Variants in ARHGAP25 observed in about 807,000 individuals in gnomAD.
The protein encoded by ARHGAP25 is Rho GTPase activating protein 25.
ARHGAP25 carries 34 observed loss-of-function variants against 71.0 expected under a neutral mutation model. The ratio of observed to expected loss-of-function variants is 0.48; its 90% CI spans 0.36 to 0.64. The LOEUF (loss-of-function observed/expected upper bound fraction) is 0.64. Ranked by LOEUF, ARHGAP25 falls within the 30% of genes least tolerant of loss-of-function variation. The pLI is 0.00. For missense variants in ARHGAP25, 706 were observed against 805.1 expected (o/e 0.88, Z 1.49); for synonymous variants, 282 against 296.5 (o/e 0.95, Z 0.50).
At chr2:68,809,277 C>T (rs986746614) in intron 5 of ARHGAP25, among the ~76,000 whole-genome samples, 2 of 152,066 alleles carry the variant, frequency 1.3e-5, no homozygotes, top group Non-Finnish European at 2.9e-5. Context: ...AGGGCTGTGC[C>T]CCGCAATGGG....
At chr2:68,782,081 A>C in intron 2 of ARHGAP25, 152 bp from the exon 3 acceptor site, 10 of 616,666 alleles carry the variant, frequency 1.6e-5, no homozygotes, top group Non-Finnish European at 2.3e-5. Context: ...GAGTAGCAGA[A>C]GGGGCCCCAT....
In ARHGAP25 at chr2:68,751,017, G is replaced by A. The variant is rs369273975; in HGVS notation, c.61+15757G>A. On this transcript the variant is annotated intron_variant, in intron 1 of 10. Coordinates refer to ENST00000409202, the MANE Select transcript of ARHGAP25 (RefSeq NM_001007231.3). ...AGTCCAGCTGACATTTATTTCACCC[G>A]CTTTAAGCACGAATTACCTGTGGAG... Among the ~76,000 whole-genome samples the A allele has an allele frequency of 3.3e-5, 5 of 152,296 alleles. No homozygotes were observed. The South Asian group carries it at 8.3e-4, about 25-fold the overall frequency.
intron 3 of ARHGAP25, among the ~76,000 whole-genome samples, chr2:68,783,040 C>T (rs766337191): frequency 7.2e-5 from 11 of 152,186 alleles, no homozygotes; most frequent in Non-Finnish European, 1.5e-4. Flanking sequence ...GCCACATGGC[C>T]CCTGAGTGCC....
rs1676077697 is a variant in ARHGAP25 at position 68,750,240 on chromosome 2, G to C, written c.61+14980G>C. Among the ~76,000 whole-genome samples, 3 of 151,064 alleles carry C rather than the reference G, an allele frequency of 2.0e-5. No homozygotes were observed. The South Asian group carries it at 6.3e-4, about 32-fold the overall frequency. Reference sequence around the variant, plus strand: ...TTGCCCAGCTGGTCTTGGACTCCTGGCCCCAAGTGATTCTCCCACCTTGGC... The same window carrying C: ...TTGCCCAGCTGGTCTTGGACTCCTGCCCCCAAGTGATTCTCCCACCTTGGC... On this transcript the variant is annotated intron_variant, in intron 1 of 10. Transcript: ENST00000409202.
intron 1 of ARHGAP25, among the ~76,000 whole-genome samples, chr2:68,765,696 G>A (rs1013504765): frequency 6.6e-6 from 1 of 152,106 alleles, no homozygotes; most frequent in African/African-American, 2.4e-5. Context: ...TAATTCATTG[G>A]TATCATCTAT....
intron 3 of ARHGAP25, among the ~76,000 whole-genome samples, chr2:68,787,043 T>C (rs536567232): frequency 6.6e-6 from 1 of 152,358 alleles, no homozygotes; most frequent in East Asian, 1.9e-4. Context: ...ACTAACTAAC[T>C]GCATGGTCCA....
chr2:68,724,945 C>G (rs61001218), intron 2 of ARHGAP25, among the ~76,000 whole-genome samples: 1,738 of 152,282 alleles, frequency 0.011, 35 homozygotes, highest in African/African-American at 0.04. Flanking sequence ...ACCAGCAGAG[C>G]CTTTGCTGGT....
At position 68,741,178 on chromosome 2, in the gene ARHGAP25, G is replaced by T. The variant is rs112838416; in HGVS notation, c.61+5918G>T. ...CTACCCTCGCAGAATAGGGCTCACT[G>T]AGTTGTCTTTTAATGTTATATCTTC... On this transcript the variant is annotated intron_variant, in intron 1 of 10. Coordinates refer to ENST00000409202, the MANE Select transcript of ARHGAP25 (RefSeq NM_001007231.3). 3.9e-3 allele frequency among the ~76,000 whole-genome samples: 594 copies of T among 152,316 alleles called. 9 individuals are homozygous for T. The highest frequency in any genetic ancestry group is 0.014 in the African/African-American group (566 of 41,548).
At chr2:68,754,004 G>A (rs1176318630) in intron 1 of ARHGAP25, among the ~76,000 whole-genome samples, 16 of 150,932 alleles carry the variant, frequency 1.1e-4, no homozygotes, top group Admixed American at 4.6e-4. Context: ...CCAGGTTCAC[G>A]CCATTCTCCT....
intron 3 of ARHGAP25, among the ~76,000 whole-genome samples, chr2:68,784,906 A>G (rs113688946): frequency 0.036 from 5,481 of 152,304 alleles, 139 homozygotes; most frequent in Admixed American, 0.071. Flanking sequence ...TGGTTGATTG[A>G]TTATTGTGAA....
At chr2:68,771,725 G>A (rs1677501936) in intron 1 of ARHGAP25, among the ~76,000 whole-genome samples, 1 of 152,226 alleles carries the variant, frequency 6.6e-6, no homozygotes, top group Non-Finnish European at 1.5e-5. Context: ...CCTAATTCCA[G>A]CAGTGTGGAA....
chr2:68,788,468 G>T (rs1007859768), intron 4 of ARHGAP25, among the ~76,000 whole-genome samples: 4 of 152,182 alleles, frequency 2.6e-5, no homozygotes, highest in African/African-American at 7.2e-5. Context: ...ACTGGGGAAG[G>T]TTCAGGAATT....
intron 6 of ARHGAP25, among the ~76,000 whole-genome samples, chr2:68,815,802 C>A (rs9989891): frequency 0.33 from 50,503 of 151,616 alleles, 8,534 homozygotes; most frequent in East Asian, 0.43. Flanking sequence ...GACCTTGCAC[C>A]GTCCTCCAGC....
At chr2:68,735,454 T>C in intron 1 of ARHGAP25, 194 bp downstream of exon 1, 1 of 625,868 alleles carries the variant, frequency 1.6e-6, no homozygotes, top group South Asian at 1.9e-5. Flanking sequence ...CTCTTTCATT[T>C]GGACAAAACA....
intron 1 of ARHGAP25, among the ~76,000 whole-genome samples, chr2:68,735,930 T>C (rs746373057): frequency 4.6e-5 from 7 of 152,218 alleles, no homozygotes; most frequent in Non-Finnish European, 7.3e-5. Context: ...ATGATGATAG[T>C]GATACATTAA....
intron 4 of ARHGAP25, among the ~76,000 whole-genome samples, chr2:68,799,077 G>A (rs1215635530): frequency 6.6e-6 from 1 of 152,222 alleles, no homozygotes; most frequent in Non-Finnish European, 1.5e-5. Flanking sequence ...AGGACAGATG[G>A]TGGGTTGGAC....
At chr2:68,733,142 C>T (rs1274707180), upstream of ARHGAP25, among the ~76,000 whole-genome samples, 5 of 152,122 alleles carry the variant, frequency 3.3e-5, no homozygotes, top group African/African-American at 4.8e-5. Flanking sequence ...AAAACAGACA[C>T]GGAAAAGCCA....
intron 1 of ARHGAP25, among the ~76,000 whole-genome samples, chr2:68,747,478 C>G (rs938662446): frequency 6.1e-4 from 93 of 152,330 alleles, no homozygotes; most frequent in African/African-American, 2.2e-3. Flanking sequence ...TTCTGTGAAG[C>G]TGGCTCCGGT....
intron 2 of ARHGAP25, among the ~76,000 whole-genome samples, chr2:68,777,204 G>A (rs112901647): frequency 0.037 from 5,661 of 152,262 alleles, 141 homozygotes; most frequent in Admixed American, 0.071. Context: ...TAAGGGAGAC[G>A]GCAGTAACGC....
Sources: gnomAD v4.1 joint callset for allele counts (sites outside exome capture counted in the v4.1 genomes callset) on GRCh38, gnomAD v4.1.1 for gene constraint, MANE v1.5 for transcripts, NCBI Gene and HGNC (gene_info 2026-07-23, HGNC 2026-07-21) for gene names.